The following TEX44 variants were observed in gnomAD, a reference collection of about 807,000 sequenced individuals.
TEX44 encodes testis expressed 44.
For synonymous variants in TEX44, 196 were observed against 205.9 expected (o/e 0.95, Z 0.41); for missense variants, 487 against 509.6 (o/e 0.96, Z 0.43).
rs780162058 is a variant in TEX44 at position 231,593,171 on chromosome 2, G to T, written c.220G>T (p.Val74Phe). The change falls in exon 1 of 1, where the codon GTT becomes TTT. Residue 74 changes from valine (V) to phenylalanine (F), a missense_variant. By Grantham distance (50) the Val-to-Phe change is conservative. Coordinates refer to ENST00000313965, the MANE Select transcript of TEX44 (RefSeq NM_152614.3). ...TSGDKDKSAV[V>F]PEHGQKTPRK... ...TGGAGACAAAGACAAGAGTGCAGTT[G>T]TTCCAGAACACGGCCAGAAGACACC... 3.1e-6 allele frequency: 5 copies of T among 1,614,150 alleles called. No individual in the cohort carries two copies. The South Asian group carries it at 5.5e-5, about 18-fold the overall frequency.
Position 231,593,125 on chromosome 2 carries a change from C to A in TEX44, c.174C>A (p.Thr58=). The change falls in exon 1 of 1, where the codon ACC becomes ACA. Residue 58 remains threonine (T), a synonymous_variant. Coordinates refer to ENST00000313965, the MANE Select transcript of TEX44 (RefSeq NM_152614.3). ...DIDQASFKTA[T]PRAISTSGDK... is the part of the protein sequence containing the mutation. The stretch of plus-strand genomic sequence containing the variant: ...ATCAGGCCTCCTTCAAGACGGCCAC[C>A]CCCAGGGCCATATCAACATCTGGAG... 1 of 1,614,110 alleles carries A rather than the reference C, an allele frequency of 6.2e-7. No homozygotes were observed. Among genetic ancestry groups the A allele is most frequent in the South Asian group, 1.1e-5 (1 of 91,082 alleles).
chr2:231,593,313 T>C lies in TEX44; in HGVS notation c.362T>C (p.Leu121Pro), dbSNP rs1265709617. The change falls in exon 1 of 1, where the codon CTA becomes CCA. Residue 121 changes from leucine (L) to proline (P), a missense_variant. By Grantham distance (98) the Leu-to-Pro change is moderately conservative (BLOSUM62 -3). Coordinates refer to ENST00000313965, the MANE Select transcript of TEX44 (RefSeq NM_152614.3). ...CAAGACGCAAGGACAAGTCAGAGTCTAGTGGTTTTCCCAAGTCACCTCCTG... is the reference window on the plus strand; with the variant it reads ...CAAGACGCAAGGACAAGTCAGAGTCCAGTGGTTTTCCCAAGTCACCTCCTG... ...QVQDARTSQSLVVFPSHLLGK... is the reference protein window; with the variant it reads ...QVQDARTSQSPVVFPSHLLGK... The C allele has an allele frequency of 1.9e-6, 3 of 1,614,078 alleles. No homozygotes were observed. Among genetic ancestry groups the C allele is most frequent in the Non-Finnish European group, 1.7e-6 (2 of 1,180,044 alleles).
rs750836194 is a variant in TEX44 at position 231,593,908 on chromosome 2, C to A, written c.957C>A (p.Asp319Glu). 2.5e-6 allele frequency: 4 copies of A among 1,609,734 alleles called. No homozygotes were observed. The Admixed American group carries it at 5.0e-5, about 20-fold the overall frequency. ...FLDSGHSTVA[D>E]LLHSSGPSLR... Reference sequence around the variant, plus strand: ...ATTCCGGCCACAGCACTGTGGCAGACCTGCTGCACAGCTCGGGGCCCAGCT... The same window carrying A: ...ATTCCGGCCACAGCACTGTGGCAGAACTGCTGCACAGCTCGGGGCCCAGCT... Residue 319 changes from aspartate to glutamate, a missense_variant, in exon 1 of 1, where the codon GAC becomes GAA. By Grantham distance (45) the Asp-to-Glu change is conservative. Coordinates refer to ENST00000313965, the MANE Select transcript of TEX44 (RefSeq NM_152614.3).
chr2:231,593,074 C>A lies in TEX44; in HGVS notation c.123C>A (p.Val41=). The A allele has an allele frequency of 1.9e-6, 3 of 1,614,180 alleles. No homozygotes were observed. Among genetic ancestry groups the A allele is most frequent in the Non-Finnish European group, 2.5e-6 (3 of 1,180,028 alleles). Reference sequence around the variant, plus strand: ...ATGTCTTGGCAGTGAGCAGCTCTGTCGCATCCACTGACTGGCAGGATATAG... The same window carrying A: ...ATGTCTTGGCAGTGAGCAGCTCTGTAGCATCCACTGACTGGCAGGATATAG... ...TADVLAVSSS[V]ASTDWQDIDQ... Residue 41 remains valine (V), a synonymous_variant, in exon 1 of 1, where the codon GTC becomes GTA. Transcript: ENST00000313965.
Position 231,593,403 on chromosome 2 carries a change from C to G in TEX44, c.452C>G (p.Ala151Gly). ...PEREPESAPS[A>G]PSAELQSTQH... is the part of the protein sequence containing the mutation. ...AGAGAGCCGGAGTCAGCCCCCTCTG[C>G]CCCGAGTGCTGAGCTACAGTCCACC... is the stretch of plus-strand genomic sequence containing the variant. The change falls in exon 1 of 1, where the codon GCC becomes GGC. Residue 151 changes from alanine (A) to glycine (G), a missense_variant. By Grantham distance (60) the Ala-to-Gly change is moderately conservative (BLOSUM62 0). Coordinates refer to ENST00000313965, the MANE Select transcript of TEX44 (RefSeq NM_152614.3). 6.2e-7 allele frequency: 1 copy of G among 1,614,232 alleles called. No homozygotes were observed. Among genetic ancestry groups the G allele is most frequent in the Non-Finnish European group, 8.5e-7 (1 of 1,180,040 alleles).
rs2047784901 is a variant in TEX44 at position 231,594,258 on chromosome 2, A to C, written c.*119A>C. ...GACGGTTCCCCCAGCCCATGCAATA[A>C]ATCACCAGTGAGCATTTATTTCTAA... is the stretch of plus-strand genomic sequence containing the variant. On this transcript the variant is annotated 3_prime_UTR_variant, in exon 1 of 1. Transcript: ENST00000313965. 6 of 814,316 alleles carry C rather than the reference A, an allele frequency of 7.4e-6. No individual in the cohort carries two copies. The South Asian group carries it at 1.1e-4, about 15-fold the overall frequency. The allele number at this position is 814,316 out of a possible 1,614,324, so 50.4% of individuals were successfully genotyped here.
In TEX44 at chr2:231,593,898, C is replaced by A; in HGVS notation, c.947C>A (p.Thr316Asn). 1.9e-6 allele frequency: 3 copies of A among 1,609,956 alleles called. No individual in the cohort carries two copies. The highest frequency in any genetic ancestry group is 2.5e-6 in the Non-Finnish European group (3 of 1,180,010). Reference protein sequence around the residue: ...ATGFLDSGHSTVADLLHSSGP... With the variant: ...ATGFLDSGHSNVADLLHSSGP... ...GGCTTCCTGGATTCCGGCCACAGCA[C>A]TGTGGCAGACCTGCTGCACAGCTCG... is the stretch of plus-strand genomic sequence containing the variant. Residue 316 changes from threonine to asparagine, a missense_variant, in exon 1 of 1, where the codon ACT (threonine) becomes AAT (asparagine). Coordinates refer to ENST00000313965, the MANE Select transcript of TEX44 (RefSeq NM_152614.3).
the TEX44 span, chr2:231,593,747 G>GGTACATGT: frequency 9.4e-4 from 1,517 of 1,611,448 alleles, 16 homozygotes; most frequent in East Asian, 0.032. Context: ...CCTGTACACG[G>GGTACATGT]CCAGTGAGGA....
In TEX44 at chr2:231,593,676, G is replaced by C; in HGVS notation, c.725G>C (p.Ser242Thr). The C allele has an allele frequency of 6.2e-7, 1 of 1,612,790 alleles. No individual in the cohort carries two copies. Among genetic ancestry groups the C allele is most frequent in the Non-Finnish European group, 8.5e-7 (1 of 1,180,032 alleles). Residue 242 changes from serine to threonine, a missense_variant, in exon 1 of 1, where the codon AGT becomes ACT. Transcript: ENST00000313965. ...TWFFPPPPAGSVSPSPGPHEV... is the reference protein window; with the variant it reads ...TWFFPPPPAGTVSPSPGPHEV... ...TTCTTCCCTCCACCTCCAGCAGGCA[G>C]TGTGTCCCCGTCGCCTGGCCCCCAC...
In TEX44 at chr2:231,594,231, T is replaced by C; in HGVS notation, c.*92T>C. ...CCTGCTCCCTTGCCCATTCTTGCTC[T>C]GGACGGTTCCCCCAGCCCATGCAAT... On this transcript the variant is annotated 3_prime_UTR_variant, in exon 1 of 1. Transcript: ENST00000313965. 9.1e-7 allele frequency: 1 copy of C among 1,093,814 alleles called. No homozygotes were observed. 67.8% of individuals were successfully genotyped at this position (1,093,814 alleles called of 1,614,324 possible).
rs199671964 is a variant in TEX44 at position 231,593,600 on chromosome 2, G to T, written c.649G>T (p.Val217Leu). The T allele has an allele frequency of 1.2e-6, 2 of 1,613,938 alleles. No homozygotes were observed. The highest frequency in any genetic ancestry group is 1.7e-6 in the Non-Finnish European group (2 of 1,180,042). Residue 217 changes from valine (V) to leucine (L), a missense_variant, in exon 1 of 1, where the codon GTG becomes TTG. Transcript: ENST00000313965. Reference sequence around the variant, plus strand: ...AGCTTTACCATCTGATGAGTCCCCAGTGGCAATGGGGGCAAATGTGGTGGA... The same window carrying T: ...AGCTTTACCATCTGATGAGTCCCCATTGGCAATGGGGGCAAATGTGGTGGA... ...AEALPSDESPVAMGANVVDSL... is the reference protein window; with the variant it reads ...AEALPSDESPLAMGANVVDSL...
chr2:231,593,150 G>T lies in TEX44; in HGVS notation c.199G>T (p.Asp67Tyr), dbSNP rs144570494. ...ATPRAISTSGDKDKSAVVPEH... is the reference protein window; with the variant it reads ...ATPRAISTSGYKDKSAVVPEH... Reference sequence around the variant, plus strand: ...CCCCAGGGCCATATCAACATCTGGAGACAAAGACAAGAGTGCAGTTGTTCC... The same window carrying T: ...CCCCAGGGCCATATCAACATCTGGATACAAAGACAAGAGTGCAGTTGTTCC... Residue 67 changes from aspartate to tyrosine, a missense_variant, in exon 1 of 1, where the codon GAC (aspartate) becomes TAC (tyrosine). Physicochemically the swap from Asp to Tyr is radical, Grantham distance 160. Transcript: ENST00000313965. 3.9e-5 allele frequency: 63 copies of T among 1,614,056 alleles called. No homozygotes were observed. Among genetic ancestry groups the T allele is most frequent in the Non-Finnish European group, 5.3e-5 (62 of 1,180,032 alleles).
chr2:231,592,876 C>G lies in TEX44; in HGVS notation c.-76C>G. 1 of 1,251,650 alleles carries G rather than the reference C, an allele frequency of 8.0e-7. No individual in the cohort carries two copies. The highest frequency in any genetic ancestry group is 1.3e-5 in the South Asian group (1 of 77,146). 77.5% of individuals were successfully genotyped at this position (1,251,650 alleles called of 1,614,324 possible). A position where few individuals can be genotyped will look rare whatever the true frequency, so the allele number is the denominator to read the frequency against. On this transcript the variant is annotated 5_prime_UTR_variant, in exon 1 of 1. Transcript: ENST00000313965. The stretch of plus-strand genomic sequence containing the variant: ...CTGGGTTGCAGCCACTCCCTCCAAC[C>G]GCCACAAGCAGCAAAGGGCATAGAT...
At position 231,594,132 on chromosome 2, in the gene TEX44, A is replaced by G. The variant is rs2047783909; in HGVS notation, c.1181A>G (p.Tyr394Cys). The G allele has an allele frequency of 1.2e-6, 2 of 1,612,530 alleles. No individual in the cohort carries two copies. The highest frequency in any genetic ancestry group is 1.7e-6 in the Non-Finnish European group (2 of 1,179,770). ...TPRQAQADPN[Y>C]D ...CGCCAGGCCCAGGCTGACCCCAACTATGATTAGAGCCCTGCACAGGGACCC... is the reference window on the plus strand; with the variant it reads ...CGCCAGGCCCAGGCTGACCCCAACTGTGATTAGAGCCCTGCACAGGGACCC... The change falls in exon 1 of 1, where the codon TAT becomes TGT. Residue 394 changes from tyrosine (Y) to cysteine (C), a missense_variant. Physicochemically the swap from Tyr to Cys is radical, Grantham distance 194 (BLOSUM62 -2). Coordinates refer to ENST00000313965, the MANE Select transcript of TEX44 (RefSeq NM_152614.3).
chr2:231,593,098 A>C lies in TEX44; in HGVS notation c.147A>C (p.Ile49=). 1 of 1,614,174 alleles carries C rather than the reference A, an allele frequency of 6.2e-7. No homozygotes were observed. Among genetic ancestry groups the C allele is most frequent in the East Asian group, 2.2e-5 (1 of 44,880 alleles). The change falls in exon 1 of 1, where the codon ATA becomes ATC. Residue 49 remains isoleucine, a synonymous_variant. Coordinates refer to ENST00000313965, the MANE Select transcript of TEX44 (RefSeq NM_152614.3). ...SSVASTDWQD[I]DQASFKTATP... ...TCGCATCCACTGACTGGCAGGATATAGATCAGGCCTCCTTCAAGACGGCCA... is the reference window on the plus strand; with the variant it reads ...TCGCATCCACTGACTGGCAGGATATCGATCAGGCCTCCTTCAAGACGGCCA...
chr2:231,593,416 G>A lies in TEX44; in HGVS notation c.465G>A (p.Glu155=). 6.2e-7 allele frequency: 1 copy of A among 1,614,264 alleles called. No homozygotes were observed. Among genetic ancestry groups the A allele is most frequent in the Non-Finnish European group, 8.5e-7 (1 of 1,180,046 alleles). The change falls in exon 1 of 1, where the codon GAG becomes GAA. Residue 155 remains glutamate, a synonymous_variant. Transcript: ENST00000313965. ...PESAPSAPSA[E]LQSTQHMEAQ... is the part of the protein sequence containing the mutation. ...CAGCCCCCTCTGCCCCGAGTGCTGA[G>A]CTACAGTCCACCCAGCACATGGAGG...
At position 231,593,279 on chromosome 2, in the gene TEX44, A is replaced by G. The variant is rs767070815; in HGVS notation, c.328A>G (p.Arg110Gly). ...SMSLQNPAWDRQVQDARTSQS... is the reference protein window; with the variant it reads ...SMSLQNPAWDGQVQDARTSQS... ...GAGCCTTCAGAATCCAGCGTGGGACAGGCAGGTTCAAGACGCAAGGACAAG... is the reference window on the plus strand; with the variant it reads ...GAGCCTTCAGAATCCAGCGTGGGACGGGCAGGTTCAAGACGCAAGGACAAG... The change falls in exon 1 of 1, where the codon AGG becomes GGG. Residue 110 changes from arginine to glycine, a missense_variant. By Grantham distance (125) the Arg-to-Gly change is moderately radical. Transcript: ENST00000313965. 1.5e-5 allele frequency: 25 copies of G among 1,614,140 alleles called. 1 individual carries two copies. Among genetic ancestry groups the G allele is most frequent in the South Asian group, 4.4e-5 (4 of 91,086 alleles).
chr2:231,594,002 A>G lies in TEX44; in HGVS notation c.1051A>G (p.Ser351Gly), dbSNP rs2047782607. 2 of 1,611,158 alleles carry G rather than the reference A, an allele frequency of 1.2e-6. No homozygotes were observed. Among genetic ancestry groups the G allele is most frequent in the South Asian group, 2.2e-5 (2 of 91,088 alleles). Reference sequence around the variant, plus strand: ...CTCCTCTGGGCTGGTGTCAGGGACCAGCTCAGCCCTGCGCACCATCACCCG... The same window carrying G: ...CTCCTCTGGGCTGGTGTCAGGGACCGGCTCAGCCCTGCGCACCATCACCCG... The part of the protein sequence containing the change: ...AFSSGLVSGT[S>G]SALRTITRVL... Residue 351 changes from serine (S) to glycine (G), a missense_variant, in exon 1 of 1, where the codon AGC (serine) becomes GGC (glycine). Coordinates refer to ENST00000313965, the MANE Select transcript of TEX44 (RefSeq NM_152614.3).
the TEX44 span, chr2:231,593,243 C>T: frequency 6.2e-7 from 1 of 1,614,174 alleles, no homozygotes; most frequent in Non-Finnish European, 8.5e-7. Context: ...AAGTCCCCTG[C>T]AAGTGTCTAT....
Sources: allele counts gnomAD v4.1 joint callset, GRCh38; gene constraint gnomAD v4.1.1; transcripts MANE v1.5; gene names NCBI Gene and HGNC (gene_info 2026-07-23, HGNC 2026-07-21).